The following TRPC3 variants were observed in gnomAD, a reference collection of about 807,000 sequenced individuals.
The protein encoded by TRPC3 is short transient receptor potential channel 3.
TRPC3 carries 54 observed loss-of-function variants against 90.9 expected under a neutral mutation model. That is an observed-to-expected ratio of 0.59 (90% confidence interval 0.48 to 0.75). TRPC3 has a LOEUF of 0.75. Among genes scored for constraint, TRPC3 ranks in the 30% least tolerant of loss-of-function variants. The pLI is 0.00. For synonymous variants in TRPC3, 424 were observed against 450.9 expected, an observed-to-expected ratio of 0.94 and a Z score of 0.75; for missense variants, 918 against 1,194.5, an observed-to-expected ratio of 0.77 and a Z score of 3.41.
At chr4:121,901,927 A>G (rs1161977980) in intron 9 of TRPC3, among the ~76,000 whole-genome samples, 1 of 152,194 alleles carries the variant, frequency 6.6e-6, no homozygotes, top group East Asian at 1.9e-4. Context: ...CAGGTCAAAC[A>G]AAAAAAGATT....
rs564700752 is a variant in TRPC3 at position 121,938,615 on chromosome 4, C to T, written c.216-5573G>A. On this transcript the variant is annotated intron_variant, in intron 1 of 11. Transcript: ENST00000379645. ...ATATTTAACTCTCATAACAATACCA[C>T]GAAGCAGGTATAATTTTCTCTGTTT... 8.3e-4 allele frequency among the ~76,000 whole-genome samples: 126 copies of T among 152,254 alleles called. 1 individual carries two copies. Among genetic ancestry groups the T allele is most frequent in the African/African-American group, 2.9e-3 (122 of 41,524 alleles).
chr4:121,931,987 A>T (rs573798186), intron 2 of TRPC3, among the ~76,000 whole-genome samples: 7 of 152,336 alleles, frequency 4.6e-5, no homozygotes, highest in Admixed American at 2.6e-4. Context: ...CAAAAAGGGG[A>T]GAAATCTTGA....
intron 11 of TRPC3, among the ~76,000 whole-genome samples, 170 bp from the exon 12 acceptor site, chr4:121,880,048 A>G (rs1163717065): frequency 6.6e-6 from 1 of 152,164 alleles, no homozygotes; most frequent in African/African-American, 2.4e-5. Flanking sequence ...TTAAAGGTAC[A>G]CTGACCTTTG....
At chr4:121,921,500 C>G (rs1156661232) in intron 3 of TRPC3, among the ~76,000 whole-genome samples, 2 of 117,172 alleles carry the variant, frequency 1.7e-5, no homozygotes, top group Non-Finnish European at 3.2e-5. Flanking sequence ...CCAGCCTGGG[C>G]GACAGAGCGA....
chr4:121,898,551 C>T (rs1014804638), intron 10 of TRPC3, among the ~76,000 whole-genome samples: 4 of 152,172 alleles, frequency 2.6e-5, no homozygotes, highest in African/African-American at 9.6e-5. Flanking sequence ...AAATTGTCTT[C>T]CACAAAACCG....
At chr4:121,900,596 T>C (rs540082140) in intron 9 of TRPC3, among the ~76,000 whole-genome samples, 3 of 152,232 alleles carry the variant, frequency 2.0e-5, no homozygotes, top group Non-Finnish European at 4.4e-5. Flanking sequence ...ATCTGATTGC[T>C]GACTGAGGTT....
chr4:121,900,248 T>C (rs1728658292), intron 9 of TRPC3, among the ~76,000 whole-genome samples: 1 of 152,204 alleles, frequency 6.6e-6, no homozygotes, highest in Admixed American at 6.5e-5. Flanking sequence ...TTCTTTTCTC[T>C]CTTTTTCTTT....
rs1349397958 is a variant in TRPC3 at position 121,878,303 on chromosome 4, C to T, written c.*1433G>A. Among the ~76,000 whole-genome samples the T allele has an allele frequency of 6.6e-6, 1 of 152,116 alleles. No individual in the cohort carries two copies. The highest frequency in any genetic ancestry group is 1.5e-5 in the Non-Finnish European group (1 of 68,024). Reference sequence around the variant, plus strand: ...GAGCTTTATGTAGTTCCATTTAACACTTATTTCTGTCTTCATGTCTAAAGA... The same window carrying T: ...GAGCTTTATGTAGTTCCATTTAACATTTATTTCTGTCTTCATGTCTAAAGA... On this transcript the variant is annotated 3_prime_UTR_variant, in exon 12 of 12. Coordinates refer to ENST00000379645, the MANE Select transcript of TRPC3 (RefSeq NM_001130698.2).
intron 9 of TRPC3, among the ~76,000 whole-genome samples, chr4:121,900,523 A>AAG: frequency 6.6e-6 from 1 of 152,202 alleles, no homozygotes; most frequent in Non-Finnish European, 1.5e-5. Context: ...TTCTCTTACA[A>AAG]TTGTGCCTGG....
At position 121,951,597 on chromosome 4, in the gene TRPC3, G is replaced by GTCCTCGCCCTCGTCTTCCTCC. The variant is rs1484862110; in HGVS notation, c.63_83dup (p.Glu21_Glu27dup). The GTCCTCGCCCTCGTCTTCCTCC allele has an allele frequency of 3.4e-6, 5 of 1,451,266 alleles. No individual in the cohort carries two copies. Among genetic ancestry groups the GTCCTCGCCCTCGTCTTCCTCC allele is most frequent in the Non-Finnish European group, 4.6e-6 (5 of 1,096,664 alleles). 89.9% of individuals were successfully genotyped at this position (1,451,266 alleles called of 1,614,324 possible). On this transcript the variant is annotated inframe_insertion, in exon 1 of 12. Coordinates refer to ENST00000379645, the MANE Select transcript of TRPC3 (RefSeq NM_001130698.2). This position sits in a 1 kb window ranked among gnomAD's most constrained non-coding sequence, Gnocchi z 4.4. Reference sequence around the variant, plus strand: ...GGCGGCGCTGCGGCTCCGCGCCCTCGTCCTCGCCCTCGTCTTCCTCCTCCT... The same window carrying GTCCTCGCCCTCGTCTTCCTCC: ...GGCGGCGCTGCGGCTCCGCGCCCTCGTCCTCGCCCTCGTCTTCCTCCTCCTCGCCCTCGTCTTCCTCCTCCT...
At chr4:121,947,541 T>G (rs1324485726) in intron 1 of TRPC3, among the ~76,000 whole-genome samples, 2 of 152,232 alleles carry the variant, frequency 1.3e-5, no homozygotes, top group African/African-American at 4.8e-5. Flanking sequence ...TTTTGGTTCC[T>G]TGATCATATA....
At chr4:121,915,283 T>C (rs1339802332) in intron 3 of TRPC3, among the ~76,000 whole-genome samples, 1 of 152,226 alleles carries the variant, frequency 6.6e-6, no homozygotes, top group Non-Finnish European at 1.5e-5. Context: ...TGTCCCATCT[T>C]GCTGTTGGCC....
chr4:121,898,477 G>A (rs1038119166), intron 10 of TRPC3, among the ~76,000 whole-genome samples: 12 of 152,154 alleles, frequency 7.9e-5, no homozygotes, highest in African/African-American at 2.7e-4. Flanking sequence ...AATGCCTGAA[G>A]AGCCTGAAGA....
At chr4:121,924,230 G>A (rs1431356030) in intron 3 of TRPC3, among the ~76,000 whole-genome samples, 1 of 152,068 alleles carries the variant, frequency 6.6e-6, no homozygotes, top group African/African-American at 2.4e-5. Context: ...ACATAGACTT[G>A]CTGCAAGGAT....
At chr4:121,923,774 C>T (rs1167139013) in intron 3 of TRPC3, among the ~76,000 whole-genome samples, 1 of 152,172 alleles carries the variant, frequency 6.6e-6, no homozygotes, top group Non-Finnish European at 1.5e-5. Flanking sequence ...GGCTCTAGTG[C>T]CTGTCCTCTT....
intron 1 of TRPC3, among the ~76,000 whole-genome samples, chr4:121,941,250 C>A (rs543237235): frequency 6.6e-6 from 1 of 152,276 alleles, no homozygotes; most frequent in Non-Finnish European, 1.5e-5. Flanking sequence ...CACCTCAAAT[C>A]CTTTATTGAA....
intron 2 of TRPC3, among the ~76,000 whole-genome samples, chr4:121,927,097 G>A (rs1262001073): frequency 6.6e-6 from 1 of 152,170 alleles, no homozygotes; most frequent in Non-Finnish European, 1.5e-5. Flanking sequence ...ACTAGAAGAA[G>A]AGAAATATAT....
At position 121,915,003 on chromosome 4, in the gene TRPC3, C is replaced by T; in HGVS notation, c.1177-59G>A. 2 of 1,435,846 alleles carry T rather than the reference C, an allele frequency of 1.4e-6. 1 individual carries two copies. The highest frequency in any genetic ancestry group is 2.8e-5 in the South Asian group (2 of 70,832). The allele number at this position is 1,435,846 out of a possible 1,614,324, so 88.9% of individuals were successfully genotyped here. Reference sequence around the variant, plus strand: ...GAAAGGTAAGTTACCATACCATTGTCAATAGCTCAACTATTAAATACACAT... The same window carrying T: ...GAAAGGTAAGTTACCATACCATTGTTAATAGCTCAACTATTAAATACACAT... On this transcript the variant is annotated intron_variant, in intron 3 of 11. Transcript: ENST00000379645.
chr4:121,925,224 A>C lies in TRPC3; in HGVS notation c.988-18T>G. 1 of 1,597,752 alleles carries C rather than the reference A, an allele frequency of 6.3e-7. No homozygotes were observed. Among genetic ancestry groups the C allele is most frequent in the Admixed American group, 1.8e-5 (1 of 56,244 alleles). ...TAGTCATTCTAAGAACAAGAGGTTT[A>C]GTGTTTTAACACAAATAATTTGCTT... On this transcript the variant is annotated intron_variant, in intron 2 of 11. Transcript: ENST00000379645.
Sources: gnomAD v4.1 joint callset for allele counts (sites outside exome capture counted in the v4.1 genomes callset) on GRCh38, gnomAD v4.1.1 for gene constraint, Gnocchi (gnomAD v3.1) non-coding constraint, MANE v1.5 for transcripts, NCBI Gene and HGNC (gene_info 2026-07-23, HGNC 2026-07-21) for gene names.